UBE2V1: variants seen among roughly 807,000 people sequenced by gnomAD.
UBE2V1 encodes the protein ubiquitin-conjugating enzyme E2 variant 1.
A neutral mutation model predicts 19.6 loss-of-function variants in UBE2V1; 15 were observed. The ratio of observed to expected loss-of-function variants is 0.77; its 90% CI spans 0.51 to 1.18. The LOEUF (loss-of-function observed/expected upper bound fraction) is 1.18, where lower values mean the gene tolerates loss of function less well. UBE2V1 is among the 50% of genes most tolerant of loss of function. The pLI, the probability that UBE2V1 is intolerant of heterozygous loss-of-function variation, is 0.00. For missense variants in UBE2V1, 125 were observed against 184.8 expected, an observed-to-expected ratio of 0.68 and a Z score of 1.88; for synonymous variants, 60 against 60.7, an observed-to-expected ratio of 0.99 and a Z score of 0.05.
Position 50,091,173 on chromosome 20 carries a change from A to C in UBE2V1, c.171+5499T>G, listed in dbSNP as rs140976331. ...GCGATTCTCCCTCCTCAGCCTCTTG[A>C]GTAGCTGGGACTACAGGCGTGCATC... On this transcript the variant is annotated intron_variant, in intron 2 of 3. Transcript: ENST00000371674. Among the ~76,000 whole-genome samples the C allele has an allele frequency of 1.7e-3, 261 of 152,108 alleles. 4 individuals are homozygous for C. The East Asian group carries it at 0.042, about 25-fold the overall frequency.
upstream of UBE2V1, chr20:50,115,373 C>A: frequency 7.3e-7 from 1 of 1,367,452 alleles, no homozygotes; most frequent in Non-Finnish European, 9.6e-7. Context: ...TTTCGTGTAT[C>A]ACGTGATACA....
intron 1 of UBE2V1, among the ~76,000 whole-genome samples, chr20:50,097,295 A>G (rs1027639902): frequency 6.6e-6 from 1 of 152,256 alleles, no homozygotes; most frequent in Non-Finnish European, 1.5e-5. Flanking sequence ...TATCCTCTTA[A>G]TCAACTAAGA....
At chr20:50,096,544 AAAG>A (rs1445468566) in intron 2 of UBE2V1, 125 bp downstream of exon 2, 1 of 1,593,230 alleles carries the variant, frequency 6.3e-7, no homozygotes, top group African/African-American at 1.3e-5. Context: ...ACTGGTCAAA[AAAG>A]AATAGCCACA....
rs2078641509 is a variant in UBE2V1, at chr20:50,081,459, C to A, written c.*1309G>T. ...CAAGTGGAAAGACGCAGCAATTTGC[C>A]AGGAGGTCAAGCCCACCAATTTCGG... On this transcript the variant is annotated 3_prime_UTR_variant, in exon 4 of 4. Coordinates refer to ENST00000371674, the MANE Select transcript of UBE2V1 (RefSeq NM_001032288.3). 6.6e-6 allele frequency: 1 copy of A among 152,538 alleles called. No homozygotes were observed. Among genetic ancestry groups the A allele is most frequent in the Admixed American group, 6.6e-5 (1 of 15,250 alleles). The allele number at this position is 152,538 out of a possible 1,614,324, so 9.4% of individuals were successfully genotyped here.
At chr20:50,096,086 A>C (rs2079602439) in intron 2 of UBE2V1, 1 of 152,712 alleles carries the variant, frequency 6.5e-6, no homozygotes. Flanking sequence ...GGCATTATGA[A>C]GACTGGGAAC....
intron 1 of UBE2V1, among the ~76,000 whole-genome samples, chr20:50,098,465 A>T (rs1343934111): frequency 6.6e-6 from 1 of 152,236 alleles, no homozygotes; most frequent in African/African-American, 2.4e-5. Flanking sequence ...TCCTAGCAAA[A>T]GATAATACCC....
chr20:50,110,819 T>G (rs2080705027), intron 1 of UBE2V1, among the ~76,000 whole-genome samples: 1 of 152,178 alleles, frequency 6.6e-6, no homozygotes, highest in Non-Finnish European at 1.5e-5. Context: ...TTTTATCCTG[T>G]TATTTCAACA....
At chr20:50,104,537 G>T in intron 1 of UBE2V1, 1 of 173,680 alleles carries the variant, frequency 5.8e-6, no homozygotes, top group Non-Finnish European at 1.1e-5. Flanking sequence ...GCTGCCTGTA[G>T]TCCCAGCTAC....
upstream of UBE2V1, chr20:50,113,344 C>T (rs939725446): frequency 5.1e-5 from 20 of 388,390 alleles, no homozygotes; most frequent in Non-Finnish European, 7.7e-5. Context: ...CAAGTCCCCA[C>T]ACATCGGGTG....
At chr20:50,111,569 C>T in intron 1 of UBE2V1, 1 of 1,000,292 alleles carries the variant, frequency 1.0e-6, no homozygotes, top group Non-Finnish European at 1.2e-6. Flanking sequence ...CCAGCTGAAA[C>T]CAAAATCGAG....
intron 2 of UBE2V1, among the ~76,000 whole-genome samples, chr20:50,094,704 T>C (rs1237663345): frequency 1.3e-5 from 2 of 148,554 alleles, no homozygotes; most frequent in African/African-American, 5.0e-5. Context: ...AGTAGACTGA[T>C]GATTGTCAAA....
intron 1 of UBE2V1, among the ~76,000 whole-genome samples, chr20:50,104,987 A>G (rs2080265712): frequency 6.6e-6 from 1 of 152,098 alleles, no homozygotes; most frequent in Non-Finnish European, 1.5e-5. Context: ...TCAGCCTCCC[A>G]AAGTGCTGGG....
upstream of UBE2V1, chr20:50,115,654 T>G: frequency 7.6e-7 from 1 of 1,314,218 alleles, no homozygotes. Flanking sequence ...TAAAACCCCT[T>G]GGGCACAGGG....
At chr20:50,106,886 A>C (rs560589138) in intron 1 of UBE2V1, among the ~76,000 whole-genome samples, 40 of 149,100 alleles carry the variant, frequency 2.7e-4, no homozygotes, top group Non-Finnish European at 3.7e-4. Context: ...AAAAAAAAAA[A>C]ACAAAAAAAA....
At chr20:50,090,650 A>T (rs1157540019) in intron 2 of UBE2V1, among the ~76,000 whole-genome samples, 4 of 152,200 alleles carry the variant, frequency 2.6e-5, no homozygotes. Context: ...GTTGACAGGG[A>T]CCAGGGTGTA....
At chr20:50,087,093 A>C (rs2078960519) in intron 2 of UBE2V1, among the ~76,000 whole-genome samples, 2 of 151,050 alleles carry the variant, frequency 1.3e-5, no homozygotes, top group African/African-American at 4.9e-5. Flanking sequence ...AAAAAACAAA[A>C]AACAAAAAAC....
intron 1 of UBE2V1, chr20:50,108,833 G>A: frequency 1.5e-6 from 1 of 678,178 alleles, no homozygotes; most frequent in East Asian, 1.3e-4. Context: ...ACATAACCCA[G>A]AAGAGGACAA....
At chr20:50,093,717 C>T (rs1037214826) in intron 2 of UBE2V1, among the ~76,000 whole-genome samples, 3 of 151,866 alleles carry the variant, frequency 2.0e-5, no homozygotes, top group Non-Finnish European at 4.4e-5. Context: ...TCCGGCAGGG[C>T]GCGATGGCTC....
At chr20:50,109,009 G>A in intron 1 of UBE2V1, 7 of 985,440 alleles carry the variant, frequency 7.1e-6, no homozygotes, top group Non-Finnish European at 8.4e-6. Flanking sequence ...GGGAACAGGA[G>A]TTAAAAATGC....
Sources: gnomAD v4.1 joint callset for allele counts (sites outside exome capture counted in the v4.1 genomes callset) on GRCh38, gnomAD v4.1.1 for gene constraint, MANE v1.5 for transcripts, NCBI Gene and HGNC (gene_info 2026-07-23, HGNC 2026-07-21) for gene names.